GNA14: variants seen among roughly 807,000 people sequenced by gnomAD.
GNA14 encodes the protein guanine nucleotide-binding protein subunit alpha-14.
GNA14 carries 50 observed loss-of-function variants against 42.0 expected under a neutral mutation model. The ratio of observed to expected loss-of-function variants is 1.19; its 90% CI spans 0.95 to 1.51. The LOEUF is 1.51. Ranked by LOEUF, GNA14 falls within the 40% of genes most tolerant of loss-of-function variation. GNA14 has a pLI of 0.00. For missense variants in GNA14, 473 were observed against 446.2 expected, an observed-to-expected ratio of 1.06 and a Z score of -0.54; for synonymous variants, 173 against 163.1, an observed-to-expected ratio of 1.06 and a Z score of -0.46.
At chr9:77,514,821 G>A (rs1209484110) in intron 2 of GNA14, among the ~76,000 whole-genome samples, 1 of 152,116 alleles carries the variant, frequency 6.6e-6, no homozygotes, top group East Asian at 1.9e-4. Context: ...CACCGTGTTA[G>A]CCAGGATAGT....
intron 1 of GNA14, among the ~76,000 whole-genome samples, chr9:77,544,338 C>G (rs934940075): frequency 1.3e-5 from 2 of 152,150 alleles, no homozygotes; most frequent in Non-Finnish European, 2.9e-5. Flanking sequence ...AAAATCTCTT[C>G]AAATAAACTC....
intron 1 of GNA14, among the ~76,000 whole-genome samples, chr9:77,647,035 A>G (rs1159251196): frequency 6.6e-6 from 1 of 152,218 alleles, no homozygotes; most frequent in African/African-American, 2.4e-5. Context: ...CCCCCATGGG[A>G]GGCAGGCATA....
intron 5 of GNA14, among the ~76,000 whole-genome samples, chr9:77,428,083 CT>C (rs975674188): frequency 9.7e-4 from 111 of 114,684 alleles, no homozygotes; most frequent in Non-Finnish European, 1.4e-3. Context: ...TTTTTTTTTT[CT>C]TTTTTTTTTT....
chr9:77,510,148 C>T lies in GNA14; in HGVS notation c.309+18921G>A, dbSNP rs550050415. ...GCCTTCCAACTCCCCCAGCTCTAGACACTCACCAGTCTTCTTTTTCTCTCT... is the reference window on the plus strand; with the variant it reads ...GCCTTCCAACTCCCCCAGCTCTAGATACTCACCAGTCTTCTTTTTCTCTCT... On this transcript the variant is annotated intron_variant, in intron 2 of 6. Transcript: ENST00000341700. Among the ~76,000 whole-genome samples, 7 of 152,284 alleles carry T rather than the reference C, an allele frequency of 4.6e-5. No individual in the cohort carries two copies. The South Asian group carries it at 1.4e-3, about 32-fold the overall frequency.
intron 3 of GNA14, among the ~76,000 whole-genome samples, chr9:77,433,748 T>C (rs553278571): frequency 1.3e-5 from 2 of 152,292 alleles, no homozygotes; most frequent in Non-Finnish European, 2.9e-5. Flanking sequence ...GATTAATGAA[T>C]TAAAAATTGA....
At chr9:77,430,339 C>T (rs1835524705) in intron 4 of GNA14, among the ~76,000 whole-genome samples, 1 of 152,140 alleles carries the variant, frequency 6.6e-6, no homozygotes, top group South Asian at 2.1e-4. Context: ...CATCGCAGTC[C>T]AAGAAGGATA....
chr9:77,604,436 T>G (rs1249435030), intron 1 of GNA14, among the ~76,000 whole-genome samples: 1 of 152,216 alleles, frequency 6.6e-6, no homozygotes, highest in African/African-American at 2.4e-5. Context: ...GGATTCAGTG[T>G]TGGTCACGTT....
At chr9:77,507,533 C>T (rs1407207590) in intron 2 of GNA14, among the ~76,000 whole-genome samples, 1 of 152,176 alleles carries the variant, frequency 6.6e-6, no homozygotes, top group Non-Finnish European at 1.5e-5. Flanking sequence ...CCGAGCATCA[C>T]AAATCTTATT....
intron 1 of GNA14, among the ~76,000 whole-genome samples, chr9:77,639,391 A>G (rs1264714020): frequency 6.6e-6 from 1 of 152,224 alleles, no homozygotes. Flanking sequence ...TTAACAGATG[A>G]AGAAACTAAT....
chr9:77,636,596 G>A (rs1209527378), intron 1 of GNA14, among the ~76,000 whole-genome samples: 4 of 152,158 alleles, frequency 2.6e-5, no homozygotes, highest in African/African-American at 9.7e-5. Flanking sequence ...TTCCACTCTT[G>A]GGGGAAGGTG....
chr9:77,625,116 G>GT (rs1823992751), intron 1 of GNA14, among the ~76,000 whole-genome samples: 1 of 151,792 alleles, frequency 6.6e-6, no homozygotes, highest in Admixed American at 6.6e-5. Context: ...GCATACACAA[G>GT]TATCAATAGC....
chr9:77,633,706 G>C (rs1824134896), intron 1 of GNA14, among the ~76,000 whole-genome samples: 1 of 151,634 alleles, frequency 6.6e-6, no homozygotes, highest in Non-Finnish European at 1.5e-5. Flanking sequence ...TTGGTGAGCT[G>C]TCTGGCTCTA....
At chr9:77,542,225 G>A (rs1023854275) in intron 1 of GNA14, among the ~76,000 whole-genome samples, 8 of 151,974 alleles carry the variant, frequency 5.3e-5, no homozygotes, top group Non-Finnish European at 8.8e-5. Context: ...TTTTTGTGAC[G>A]AGATATATAT....
chr9:77,481,875 TG>T (rs1278861202), intron 2 of GNA14, among the ~76,000 whole-genome samples: 1 of 152,186 alleles, frequency 6.6e-6, no homozygotes, highest in Non-Finnish European at 1.5e-5. Flanking sequence ...TTGCAACTCC[TG>T]CCTTTTTCTG....
intron 2 of GNA14, among the ~76,000 whole-genome samples, chr9:77,476,798 G>T (rs149813892): frequency 2.0e-5 from 3 of 152,200 alleles, no homozygotes; most frequent in South Asian, 2.1e-4. Context: ...CTGAAACCTT[G>T]TATCTCTTGG....
At chr9:77,517,874 G>C (rs528850605) in intron 2 of GNA14, 111 of 151,860 alleles carry the variant, frequency 7.3e-4, no homozygotes, top group African/African-American at 2.6e-3. Flanking sequence ...CAAAGCATTA[G>C]GATTACAAGT....
At chr9:77,586,819 G>A (rs776139414) in intron 1 of GNA14, among the ~76,000 whole-genome samples, 2 of 152,084 alleles carry the variant, frequency 1.3e-5, no homozygotes, top group Non-Finnish European at 2.9e-5. Flanking sequence ...GTTCCTTTAC[G>A]GTACCCGTAG....
intron 1 of GNA14, among the ~76,000 whole-genome samples, chr9:77,639,364 T>G (rs1259514182): frequency 6.6e-6 from 1 of 152,234 alleles, no homozygotes; most frequent in Admixed American, 6.5e-5. Flanking sequence ...CGTGCCTCAT[T>G]GGGTTGTTAT....
At chr9:77,618,447 G>A (rs940880050) in intron 1 of GNA14, among the ~76,000 whole-genome samples, 12 of 150,900 alleles carry the variant, frequency 8.0e-5, no homozygotes, top group Non-Finnish European at 1.3e-4. Context: ...TCCAGGGTTC[G>A]GTGCTGTGCT....
Sources: allele counts gnomAD v4.1 joint callset (sites outside exome capture counted in the v4.1 genomes callset), GRCh38; gene constraint gnomAD v4.1.1; transcripts MANE v1.5; gene names NCBI Gene and HGNC (gene_info 2026-07-23, HGNC 2026-07-21).